ZDHHC14: variants seen among roughly 807,000 people sequenced by gnomAD.
ZDHHC14 encodes palmitoyltransferase ZDHHC14.
In ZDHHC14, 16 loss-of-function variants were observed where a neutral mutation model predicts 47.7. The ratio of observed to expected loss-of-function variants is 0.34; its 90% CI spans 0.23 to 0.51. The LOEUF (loss-of-function observed/expected upper bound fraction) is 0.51, where lower values mean the gene tolerates loss of function less well. ZDHHC14 is among the 20% of genes least tolerant of loss of function. ZDHHC14 has a pLI of 0.97. For synonymous variants in ZDHHC14, 293 were observed against 278.9 expected, an observed-to-expected ratio of 1.05 and a Z score of -0.50; for missense variants, 515 against 662.5, an observed-to-expected ratio of 0.78 and a Z score of 2.44.
At chr6:157,387,398 T>C (rs749814660) in intron 1 of ZDHHC14, among the ~76,000 whole-genome samples, 1 of 152,212 alleles carries the variant, frequency 6.6e-6, no homozygotes, top group Non-Finnish European at 1.5e-5. Flanking sequence ...GCCTTTATAA[T>C]ATATAATAAC....
At chr6:157,519,056 G>GCTGGCTCATGGCTCA (rs1184034705) in intron 1 of ZDHHC14, among the ~76,000 whole-genome samples, 1 of 152,210 alleles carries the variant, frequency 6.6e-6, no homozygotes, top group Non-Finnish European at 1.5e-5. Context: ...CGTTATGAGG[G>GCTGGCTCATGGCTCA]CTGGCTCATG....
At chr6:157,388,307 T>C (rs1283384872) in intron 1 of ZDHHC14, among the ~76,000 whole-genome samples, 1 of 152,216 alleles carries the variant, frequency 6.6e-6, no homozygotes, top group African/African-American at 2.4e-5. Context: ...TACTAAATTG[T>C]GCAGAAAGGA....
At chr6:157,421,148 A>G (rs1778092162) in intron 1 of ZDHHC14, among the ~76,000 whole-genome samples, 1 of 152,052 alleles carries the variant, frequency 6.6e-6, no homozygotes, top group South Asian at 2.1e-4. Context: ...CCCAGAATTG[A>G]TATCAAGTAG....
intron 2 of ZDHHC14, among the ~76,000 whole-genome samples, chr6:157,575,820 A>G (rs917115911): frequency 2.6e-5 from 4 of 152,228 alleles, no homozygotes; most frequent in Non-Finnish European, 5.9e-5. Flanking sequence ...GAAGGCAAGC[A>G]CCAGCTCCCT....
intron 3 of ZDHHC14, among the ~76,000 whole-genome samples, chr6:157,608,902 A>G (rs1258869081): frequency 6.6e-6 from 1 of 152,182 alleles, no homozygotes; most frequent in East Asian, 1.9e-4. Context: ...CCAAGGAGAC[A>G]GAAAGATGTG....
chr6:157,385,145 G>A (rs140084353), intron 1 of ZDHHC14, among the ~76,000 whole-genome samples: 1,775 of 151,582 alleles, frequency 0.012, 15 homozygotes, highest in Non-Finnish European at 0.016. Context: ...CTGGAGTGCA[G>A]TGGCACAATC....
At chr6:157,654,223 T>C (rs1777978471) in intron 8 of ZDHHC14, among the ~76,000 whole-genome samples, 1 of 152,016 alleles carries the variant, frequency 6.6e-6, no homozygotes. Context: ...AGTGTGTAGG[T>C]TTCTAGCGTG....
At chr6:157,505,994 A>C (rs996114030) in intron 1 of ZDHHC14, among the ~76,000 whole-genome samples, 3 of 152,216 alleles carry the variant, frequency 2.0e-5, no homozygotes, top group Non-Finnish European at 4.4e-5. Context: ...TCTAGTGTAG[A>C]TAGCACCTGT....
At position 157,454,371 on chromosome 6, in the gene ZDHHC14, T is replaced by C. The variant is rs146324746; in HGVS notation, c.245+72105T>C. Among the ~76,000 whole-genome samples the C allele has an allele frequency of 1.2e-4, 18 of 152,270 alleles. 1 individual carries two copies. In the East Asian group the frequency reaches 3.5e-3, roughly 29 times the overall value. On this transcript the variant is annotated intron_variant, in intron 1 of 8. Transcript: ENST00000359775. ...GTAATTCCCTGTTATCTCTCTACTT[T>C]ATGTTAACATACCACACTCTTTAAT...
At chr6:157,604,419 G>A (rs543801294) in intron 3 of ZDHHC14, among the ~76,000 whole-genome samples, 3 of 152,252 alleles carry the variant, frequency 2.0e-5, no homozygotes, top group South Asian at 4.1e-4. Flanking sequence ...ATCTGAGGGA[G>A]GTCCTGGAAG....
rs531696973 is a variant in ZDHHC14, at chr6:157,633,541, T to C, written c.752+659T>C. On this transcript the variant is annotated intron_variant, in intron 5 of 8. Coordinates refer to ENST00000359775, the MANE Select transcript of ZDHHC14 (RefSeq NM_024630.3). ...TATCCCTCCCAGGGGCCCCAGGCTT[T>C]AATACAGATGGGACCCCCTGATCTG... Among the ~76,000 whole-genome samples the C allele has an allele frequency of 3.3e-5, 5 of 152,302 alleles. No individual in the cohort carries two copies. The South Asian group carries it at 1.0e-3, about 32-fold the overall frequency.
At chr6:157,614,230 G>A (rs1407316474) in intron 3 of ZDHHC14, among the ~76,000 whole-genome samples, 1 of 152,148 alleles carries the variant, frequency 6.6e-6, no homozygotes, top group East Asian at 1.9e-4. Context: ...CCCACTGTGT[G>A]GTGTTTCATA....
chr6:157,395,086 G>C (rs1486787650), intron 1 of ZDHHC14, among the ~76,000 whole-genome samples: 1 of 149,788 alleles, frequency 6.7e-6, no homozygotes, highest in East Asian at 1.9e-4. Context: ...AGTGAGTACT[G>C]ACAGTTTAGA....
chr6:157,650,651 AAG>A (rs66554628), intron 7 of ZDHHC14, among the ~76,000 whole-genome samples: 27 of 145,578 alleles, frequency 1.9e-4, no homozygotes, highest in African/African-American at 4.9e-5. Flanking sequence ...TTAAAAAAAA[AAG>A]AGAGAGAGAG....
intron 1 of ZDHHC14, among the ~76,000 whole-genome samples, chr6:157,501,473 A>T (rs2114738572): frequency 1.3e-5 from 2 of 152,348 alleles, no homozygotes; most frequent in South Asian, 4.1e-4. Context: ...CTTATTCTTT[A>T]AGATTGCATT....
chr6:157,597,931 C>T (rs1433848876), intron 3 of ZDHHC14, among the ~76,000 whole-genome samples: 9 of 152,202 alleles, frequency 5.9e-5, no homozygotes, highest in Non-Finnish European at 2.9e-5. Context: ...CAGGGCTTTC[C>T]CCTGCCTCTT....
chr6:157,555,514 G>A (rs1049418105), intron 2 of ZDHHC14, among the ~76,000 whole-genome samples: 1 of 152,330 alleles, frequency 6.6e-6, no homozygotes, highest in East Asian at 1.9e-4. Flanking sequence ...AATGTTCCTG[G>A]ATAGCTGTTT....
At chr6:157,400,740 A>G (rs1325730640) in intron 1 of ZDHHC14, among the ~76,000 whole-genome samples, 1 of 152,098 alleles carries the variant, frequency 6.6e-6, no homozygotes, top group Non-Finnish European at 1.5e-5. Flanking sequence ...TCCAGCCACG[A>G]ACCTATGAAA....
At chr6:157,410,959 T>A (rs1366819075) in intron 1 of ZDHHC14, among the ~76,000 whole-genome samples, 4 of 152,166 alleles carry the variant, frequency 2.6e-5, no homozygotes, top group Non-Finnish European at 5.9e-5. Flanking sequence ...CCTCCTAAAG[T>A]GCTGGGATTA....
Sources: gnomAD v4.1 joint callset for allele counts (sites outside exome capture counted in the v4.1 genomes callset) on GRCh38, gnomAD v4.1.1 for gene constraint, MANE v1.5 for transcripts, NCBI Gene and HGNC (gene_info 2026-07-23, HGNC 2026-07-21) for gene names.